The following MALL variants were observed in gnomAD, a reference collection of about 807,000 sequenced individuals.
MALL encodes the protein MAL-like protein.
Under a neutral mutation model 10.3 loss-of-function variants are expected in MALL, and 2 were observed. The observed-to-expected ratio is 0.19, with a 90% CI of 0.08 to 0.61. The LOEUF (loss-of-function observed/expected upper bound fraction) is 0.61, where lower values mean the gene tolerates loss of function less well. MALL is among the 20% of genes least tolerant of loss of function. The pLI is 0.88. For synonymous variants in MALL, 27 were observed against 51.8 expected (o/e 0.52, Z 2.05); for missense variants, 39 against 115.2 (o/e 0.34, Z 3.03).
Position 110,115,752 on chromosome 2 carries a change from G to T in MALL, c.41C>A (p.Ser14Tyr), listed in dbSNP as rs750145205. The T allele has an allele frequency of 5.4e-6, 7 of 1,290,756 alleles. No homozygotes were observed. Among genetic ancestry groups the T allele is most frequent in the Non-Finnish European group, 6.9e-6 (7 of 1,011,812 alleles). The allele number at this position is 1,290,756 out of a possible 1,614,324, so 80.0% of individuals were successfully genotyped here. A position where few individuals can be genotyped will look rare whatever the true frequency, so the allele number is the denominator to read the frequency against. The change falls in exon 1 of 4, where the codon TCC becomes TAC. Residue 14 changes from serine (S) to tyrosine (Y), a missense_variant. By Grantham distance (144) the Ser-to-Tyr change is moderately radical. Transcript: ENST00000272462. ...CAGCGCGACCCCCGAGGGCACGTCG[G>T]ACGGGGCGTAGCTGGTGGCGGGCGG... ...PDPPATSYAPSDVPSGVALFL... is the reference protein window; with the variant it reads ...PDPPATSYAPYDVPSGVALFL...
intron 1 of MALL, among the ~76,000 whole-genome samples, chr2:110,098,577 T>A (rs1451207664): frequency 6.6e-6 from 1 of 152,236 alleles, no homozygotes; most frequent in African/African-American, 2.4e-5. Flanking sequence ...AATATTCCAT[T>A]GCATATGTGT....
intron 1 of MALL, among the ~76,000 whole-genome samples, chr2:110,111,989 A>C (rs946087537): frequency 5.9e-5 from 9 of 152,244 alleles, no homozygotes; most frequent in East Asian, 1.9e-4. Context: ...GGGAAAGGAC[A>C]TCCTTTTGAA....
chr2:110,117,085 C>T (rs1678934691), upstream of MALL, among the ~76,000 whole-genome samples: 1 of 152,146 alleles, frequency 6.6e-6, no homozygotes, highest in South Asian at 2.1e-4. Flanking sequence ...ATGAACCCCC[C>T]AGTGGATCTC....
chr2:110,100,896 G>A (rs1481879382), intron 1 of MALL, among the ~76,000 whole-genome samples: 2 of 152,152 alleles, frequency 1.3e-5, no homozygotes, highest in East Asian at 1.9e-4. Flanking sequence ...GAGGAGCCCT[G>A]GAGTGCCCTA....
chr2:110,098,132 C>T (rs1202026639), intron 1 of MALL, among the ~76,000 whole-genome samples: 3 of 151,776 alleles, frequency 2.0e-5, no homozygotes, highest in Non-Finnish European at 4.4e-5. Flanking sequence ...GATTGTCCCT[C>T]GCATTCACGT....
At chr2:110,115,893 GAAAA>G, upstream of MALL, 9 of 358,748 alleles carry the variant, frequency 2.5e-5, no homozygotes, top group East Asian at 4.1e-5. Flanking sequence ...GCCTGGGAGG[GAAAA>G]AAAAAAAAAA....
rs576695674 is a variant in MALL at position 110,112,459 on chromosome 2, A to G, written c.105+3229T>C. 1.5e-3 allele frequency among the ~76,000 whole-genome samples: 223 copies of G among 152,262 alleles called. 2 individuals are homozygous for G. The highest frequency in any genetic ancestry group is 5.1e-3 in the African/African-American group (213 of 41,566). On this transcript the variant is annotated intron_variant, in intron 1 of 3. Transcript: ENST00000272462. ...GACAATTCTCAAAAGAAGATATACA[A>G]ATGGCCAACAAACATGAAAAAATGC...
At chr2:110,100,773 A>G (rs1398746920) in intron 1 of MALL, among the ~76,000 whole-genome samples, 1 of 151,974 alleles carries the variant, frequency 6.6e-6, no homozygotes, top group East Asian at 1.9e-4. Flanking sequence ...CTGCAGCAGG[A>G]GCCCCATCCC....
chr2:110,112,177 G>C (rs1678816598), intron 1 of MALL, among the ~76,000 whole-genome samples: 1 of 152,120 alleles, frequency 6.6e-6, no homozygotes, highest in South Asian at 2.1e-4. Context: ...GCTTAGGCAA[G>C]GATTTCATGA....
rs17842658 is a variant in MALL at position 110,096,083 on chromosome 2, A to C, written c.106-4313T>G. Among the ~76,000 whole-genome samples, 982 of 152,272 alleles carry C rather than the reference A, an allele frequency of 6.4e-3. 10 individuals are homozygous for C. Among genetic ancestry groups the C allele is most frequent in the African/African-American group, 0.023 (947 of 41,566 alleles). On this transcript the variant is annotated intron_variant, in intron 1 of 3. Transcript: ENST00000272462. ...TGTGGGGGCAAAGAGCTTCTCAAAT[A>C]TACGCATACCTGAGCACTACCCTCC...
At chr2:110,098,948 G>C (rs1205146601) in intron 1 of MALL, among the ~76,000 whole-genome samples, 1 of 151,824 alleles carries the variant, frequency 6.6e-6, no homozygotes, top group East Asian at 1.9e-4. Context: ...AGCCTTGATT[G>C]TGCCACTGCA....
intron 1 of MALL, among the ~76,000 whole-genome samples, chr2:110,102,676 C>T (rs1678596564): frequency 6.6e-6 from 1 of 152,204 alleles, no homozygotes; most frequent in East Asian, 1.9e-4. Flanking sequence ...CAAATGGAGA[C>T]AGACGTGTAT....
chr2:110,113,130 G>A (rs1024566256), intron 1 of MALL, among the ~76,000 whole-genome samples: 2 of 151,714 alleles, frequency 1.3e-5, no homozygotes, highest in Non-Finnish European at 2.9e-5. Context: ...TGGGAGAGGA[G>A]TGAGGGATAA....
intron 1 of MALL, among the ~76,000 whole-genome samples, chr2:110,115,034 G>A (rs942281163): frequency 1.3e-5 from 2 of 152,058 alleles, no homozygotes; most frequent in East Asian, 1.9e-4. Context: ...GCCCCAGAGA[G>A]TAACACAGCG....
At chr2:110,100,388 C>G (rs1226905113) in intron 1 of MALL, among the ~76,000 whole-genome samples, 1 of 151,994 alleles carries the variant, frequency 6.6e-6, no homozygotes, top group Non-Finnish European at 1.5e-5. Flanking sequence ...GGGGAGGATC[C>G]TTTGGGCTCG....
Position 110,115,773 on chromosome 2 carries a change from G to C in MALL, c.20C>G (p.Pro7Arg). Residue 7 changes from proline (P) to arginine (R), a missense_variant, in exon 1 of 4, where the codon CCC (proline) becomes CGC (arginine). Physicochemically the swap from Pro to Arg is moderately radical, Grantham distance 103 (BLOSUM62 -2). This residue lies in a region of MALL where 39 missense variants were observed against 48.0 expected (regional missense o/e 0.81). Coordinates refer to ENST00000272462, the MANE Select transcript of MALL (RefSeq NM_005434.5). ...GTCGGACGGGGCGTAGCTGGTGGCG[G>C]GCGGGTCGGGCGAGGCCATGCTGTC... MASPDP[P>R]ATSYAPSDVP... is the part of the protein sequence containing the mutation. 1 of 1,274,684 alleles carries C rather than the reference G, an allele frequency of 7.8e-7. No individual in the cohort carries two copies. Among genetic ancestry groups the C allele is most frequent in the Non-Finnish European group, 1.0e-6 (1 of 1,003,912 alleles). 79.0% of individuals were successfully genotyped at this position (1,274,684 alleles called of 1,614,324 possible). A position where few individuals can be genotyped will look rare whatever the true frequency, so the allele number is the denominator to read the frequency against.
rs978978428 is a variant in MALL, at chr2:110,115,745, C to A, written c.48G>T (p.Val16=). The part of the protein sequence containing the change: ...PPATSYAPSD[V]PSGVALFLTI... ...TGAGGAACAGCGCGACCCCCGAGGGCACGTCGGACGGGGCGTAGCTGGTGG... is the reference window on the plus strand; with the variant it reads ...TGAGGAACAGCGCGACCCCCGAGGGAACGTCGGACGGGGCGTAGCTGGTGG... The change falls in exon 1 of 4, where the codon GTG becomes GTT. Residue 16 remains valine (V), a synonymous_variant. Coordinates refer to ENST00000272462, the MANE Select transcript of MALL (RefSeq NM_005434.5). The A allele has an allele frequency of 3.1e-6, 4 of 1,292,012 alleles. No individual in the cohort carries two copies. In the African/African-American group the frequency reaches 6.1e-5, roughly 20 times the overall value. The allele number at this position is 1,292,012 out of a possible 1,614,324, so 80.0% of individuals were successfully genotyped here.
chr2:110,101,467 G>A (rs1392854460), intron 1 of MALL, among the ~76,000 whole-genome samples: 1 of 152,162 alleles, frequency 6.6e-6, no homozygotes, highest in Non-Finnish European at 1.5e-5. Context: ...TCTCCCGCTG[G>A]ATAACAGTGT....
chr2:110,098,667 T>C (rs548097660), intron 1 of MALL, among the ~76,000 whole-genome samples: 65 of 152,318 alleles, frequency 4.3e-4, no homozygotes, highest in African/African-American at 1.5e-3. Context: ...ATAATGCTGC[T>C]ATGACCACGA....
Sources: gnomAD v4.1 joint callset for allele counts (sites outside exome capture counted in the v4.1 genomes callset) on GRCh38, gnomAD v4.1.1 for gene constraint, gnomAD v4.1.1 regional missense constraint, MANE v1.5 for transcripts, NCBI Gene and HGNC (gene_info 2026-07-23, HGNC 2026-07-21) for gene names.